Variants in P2RX7 observed in about 807,000 individuals in gnomAD.
P2RX7 encodes P2X purinoceptor 7.
P2RX7 carries 62 observed loss-of-function variants against 71.6 expected under a neutral mutation model. The observed-to-expected ratio is 0.87, with a 90% CI of 0.71 to 1.07. P2RX7 has a LOEUF of 1.07. Ranked by LOEUF, P2RX7 falls within the 50% of genes least tolerant of loss-of-function variation. The probability of loss-of-function intolerance (pLI) is 0.00; values close to 1 mark genes in which losing one functional copy is unlikely to be tolerated. For missense variants in P2RX7, 686 were observed against 748.5 expected (o/e 0.92, Z 0.97); for synonymous variants, 299 against 283.3 (o/e 1.06, Z -0.56).
chr12:121,163,386 C>T (rs1308781508), intron 5 of P2RX7, among the ~76,000 whole-genome samples: 1 of 148,914 alleles, frequency 6.7e-6, no homozygotes, highest in Non-Finnish European at 1.5e-5. Flanking sequence ...ACAATCTACC[C>T]CTAGAAGTGT....
intron 3 of P2RX7, among the ~76,000 whole-genome samples, chr12:121,159,069 C>T (rs1485067927): frequency 6.6e-6 from 1 of 152,198 alleles, no homozygotes; most frequent in African/African-American, 2.4e-5. Context: ...TGAGCATGTA[C>T]TATGTGCTAA....
chr12:121,160,772 CT>C (rs1179940396), intron 3 of P2RX7, 129 bp from the exon 4 acceptor site: 31 of 804,906 alleles, frequency 3.9e-5, no homozygotes, highest in Non-Finnish European at 6.2e-5. Context: ...GTGGTTTCCA[CT>C]TTTTTGGCGA....
At chr12:121,182,384 G>A (rs7312642) in intron 12 of P2RX7, among the ~76,000 whole-genome samples, 3 of 152,044 alleles carry the variant, frequency 2.0e-5, no homozygotes, top group African/African-American at 7.2e-5. Flanking sequence ...TCTGAAAAAC[G>A]CATCAGTAGC....
chr12:121,138,197 G>A (rs148573838), intron 1 of P2RX7, among the ~76,000 whole-genome samples: 11 of 152,354 alleles, frequency 7.2e-5, no homozygotes, highest in African/African-American at 2.6e-4. Flanking sequence ...GCTGTCCTCG[G>A]ACGTGGATGA....
chr12:121,163,835 C>A (rs1593086857), intron 5 of P2RX7, among the ~76,000 whole-genome samples: 1 of 152,102 alleles, frequency 6.6e-6, no homozygotes, highest in Non-Finnish European at 1.5e-5. Context: ...AGTTCTAGAC[C>A]GATGTGATTC....
chr12:121,156,230 C>T lies in P2RX7; in HGVS notation c.363+83C>T, dbSNP rs148700770. 33 of 1,128,542 alleles carry T rather than the reference C, an allele frequency of 2.9e-5. No homozygotes were observed. In the African/African-American group the frequency reaches 4.9e-4, roughly 17 times the overall value. 69.9% of individuals were successfully genotyped at this position (1,128,542 alleles called of 1,614,324 possible). A position where few individuals can be genotyped will look rare whatever the true frequency, so the allele number is the denominator to read the frequency against. Reference sequence around the variant, plus strand: ...AGTCGGAAGAAGCAGAAATGCGGACCCTGGGGTGTATTTGAGCCCACAGAT... The same window carrying T: ...AGTCGGAAGAAGCAGAAATGCGGACTCTGGGGTGTATTTGAGCCCACAGAT... On this transcript the variant is annotated intron_variant, in intron 3 of 12. Coordinates refer to ENST00000328963, the MANE Select transcript of P2RX7 (RefSeq NM_002562.6).
chr12:121,135,896 C>T (rs1351289916), intron 1 of P2RX7, among the ~76,000 whole-genome samples: 3 of 147,336 alleles, frequency 2.0e-5, no homozygotes, highest in East Asian at 2.0e-4. Flanking sequence ...CCCAGCTACT[C>T]GGGAGGCTGA....
chr12:121,182,923 A>G (rs986004064), intron 12 of P2RX7, among the ~76,000 whole-genome samples: 2 of 152,178 alleles, frequency 1.3e-5, no homozygotes, highest in East Asian at 3.8e-4. Context: ...CATGCCTGTA[A>G]TCCCATCACT....
At chr12:121,163,294 T>C (rs889215021) in intron 5 of P2RX7, among the ~76,000 whole-genome samples, 17 of 150,868 alleles carry the variant, frequency 1.1e-4, no homozygotes, top group African/African-American at 4.1e-4. Context: ...ACTTGTACAG[T>C]TATTGTAAGG....
Position 121,184,929 on chromosome 12 carries a change from A to T in P2RX7, c.*127A>T. ...GCGAAATCCTGTCTGTACTAAAAATACAAAAATCAGCCAGACATGGTGGCA... is the reference window on the plus strand; with the variant it reads ...GCGAAATCCTGTCTGTACTAAAAATTCAAAAATCAGCCAGACATGGTGGCA... On this transcript the variant is annotated 3_prime_UTR_variant, in exon 13 of 13. Coordinates refer to ENST00000328963, the MANE Select transcript of P2RX7 (RefSeq NM_002562.6). The T allele has an allele frequency of 1.4e-6, 1 of 721,920 alleles. No homozygotes were observed. The highest frequency in any genetic ancestry group is 2.2e-6 in the Non-Finnish European group (1 of 445,334). The allele number at this position is 721,920 out of a possible 1,614,324, so 44.7% of individuals were successfully genotyped here. A position where few individuals can be genotyped will look rare whatever the true frequency, so the allele number is the denominator to read the frequency against.
chr12:121,165,226 T>G, intron 5 of P2RX7, 131 bp from the exon 6 acceptor site: 1 of 671,848 alleles, frequency 1.5e-6, no homozygotes, highest in Non-Finnish European at 2.6e-6. Context: ...CCCACTAGGT[T>G]TGCTGTATCC....
At chr12:121,150,853 A>C (rs1877239083) in intron 1 of P2RX7, among the ~76,000 whole-genome samples, 1 of 152,014 alleles carries the variant, frequency 6.6e-6, no homozygotes, top group African/African-American at 2.4e-5. Context: ...AGGTTGCAGT[A>C]AGCTGAGATC....
intron 7 of P2RX7, among the ~76,000 whole-genome samples, chr12:121,166,773 G>C (rs1593099906): frequency 6.6e-6 from 1 of 152,158 alleles, no homozygotes; most frequent in South Asian, 2.1e-4. Flanking sequence ...TGGGCACGGT[G>C]GCTCATGCCT....
chr12:121,150,763 G>A (rs1453110052), intron 1 of P2RX7, among the ~76,000 whole-genome samples: 1 of 152,142 alleles, frequency 6.6e-6, no homozygotes, highest in Non-Finnish European at 1.5e-5. Context: ...ACAAAAATTA[G>A]CTGGGCACGA....
At chr12:121,136,647 CT>C (rs66894143) in intron 1 of P2RX7, among the ~76,000 whole-genome samples, 18,995 of 118,932 alleles carry the variant, frequency 0.16, 1,365 homozygotes, top group African/African-American at 0.32. Context: ...TTCTTTCTTT[CT>C]TTTTTTTTTT....
Position 121,184,851 on chromosome 12 carries a change from G to A in P2RX7, c.*49G>A, listed in dbSNP as rs541212571. The A allele has an allele frequency of 3.1e-5, 43 of 1,403,916 alleles. No individual in the cohort carries two copies. In the African/African-American group the frequency reaches 3.6e-4, roughly 12 times the overall value. The allele number at this position is 1,403,916 out of a possible 1,614,324, so 87.0% of individuals were successfully genotyped here. A position where few individuals can be genotyped will look rare whatever the true frequency, so the allele number is the denominator to read the frequency against. Reference sequence around the variant, plus strand: ...TGTAATCCCAGCGCTTTGGGAGGCCGAGGCAGGCAGATCACCTGAGGTCGG... The same window carrying A: ...TGTAATCCCAGCGCTTTGGGAGGCCAAGGCAGGCAGATCACCTGAGGTCGG... On this transcript the variant is annotated 3_prime_UTR_variant, in exon 13 of 13. Transcript: ENST00000328963.
At chr12:121,174,257 G>A (rs1350003681) in intron 8 of P2RX7, among the ~76,000 whole-genome samples, 7 of 151,518 alleles carry the variant, frequency 4.6e-5, no homozygotes, top group African/African-American at 9.7e-5. Context: ...CATGTTGTCC[G>A]GGCTGGTCTT....
intron 1 of P2RX7, among the ~76,000 whole-genome samples, chr12:121,145,502 CTTT>C (rs1247674565): frequency 6.9e-6 from 1 of 144,588 alleles, no homozygotes; most frequent in Admixed American, 6.8e-5. Flanking sequence ...TTTCTTTCTT[CTTT>C]CTTTCTTTTT....
chr12:121,136,023 A>ATATATATATATATATATAT (rs1281670064), intron 1 of P2RX7, among the ~76,000 whole-genome samples: 5 of 15,256 alleles, frequency 3.3e-4, no homozygotes, highest in Admixed American at 1.7e-3. Flanking sequence ...AAAAAAAAAA[A>ATATATATATATATATATAT]ATATATATAT....
Sources: allele counts gnomAD v4.1 joint callset (sites outside exome capture counted in the v4.1 genomes callset), GRCh38; gene constraint gnomAD v4.1.1; transcripts MANE v1.5; gene names NCBI Gene and HGNC (gene_info 2026-07-23, HGNC 2026-07-21).